Variants in AGRN observed in about 807,000 individuals in gnomAD.
AGRN encodes agrin proteoglycan.
AGRN carries 106 observed loss-of-function variants against 211.0 expected under a neutral mutation model. That is an observed-to-expected ratio of 0.50 (90% CI 0.43 to 0.59). The LOEUF is 0.59. Ranked by LOEUF, AGRN falls within the 20% of genes least tolerant of loss-of-function variation. AGRN has a pLI of 0.00. For missense variants in AGRN, 3,040 were observed against 2,982.6 expected, an observed-to-expected ratio of 1.02 and a Z score of -0.45; for synonymous variants, 1,525 against 1,332.5, an observed-to-expected ratio of 1.14 and a Z score of -3.15.
chr1:1,045,864 G>A lies in AGRN; in HGVS notation c.2668G>A (p.Gly890Ser), dbSNP rs202061838. The A allele has an allele frequency of 3.7e-6, 6 of 1,611,026 alleles. No individual in the cohort carries two copies. In the East Asian group the frequency reaches 1.3e-4, roughly 36 times the overall value. ...CPDGRALGPA[G>S]CEADASAPAT... is the part of the protein sequence containing the mutation. Reference sequence around the variant, plus strand: ...AGACGGCCGTGCCCTGGGCCCCGCGGGCTGTGAAGCTGGTGAGTGAGGGCC... The same window carrying A: ...AGACGGCCGTGCCCTGGGCCCCGCGAGCTGTGAAGCTGGTGAGTGAGGGCC... The change falls in exon 15 of 36, where the codon GGC (glycine) becomes AGC (serine). Residue 890 changes from glycine (G) to serine (S), a missense_variant. Transcript: ENST00000379370.
intron 2 of AGRN, among the ~76,000 whole-genome samples, chr1:1,030,570 T>TGGTGCTGTGAGATCAGC (rs1644643914): frequency 1.4e-5 from 1 of 72,160 alleles, no homozygotes; most frequent in Non-Finnish European, 2.8e-5. Context: ...GAGATCAGCA[T>TGGTGCTGTGAGATCAGC]GTGTGTGTGC....
At position 1,046,915 on chromosome 1, in the gene AGRN, G is replaced by A. The variant is rs1156247935; in HGVS notation, c.3346G>A (p.Gly1116Arg). ...CTCCGCGTTGGGCTGCTGCTCTGAT[G>A]GGAAGACGCCCTCGCTGGACGCAGA... is the stretch of plus-strand genomic sequence containing the variant. ...YNSALGCCSD[G>R]KTPSLDAEGS... The change falls in exon 19 of 36, where the codon GGG becomes AGG. Residue 1116 changes from glycine to arginine, a missense_variant. Gly to Arg is a moderately radical substitution (Grantham distance 125, BLOSUM62 -2). This residue lies in a region of AGRN where 1,537 missense variants were observed against 1,505.0 expected (regional missense o/e 1.02). Coordinates refer to ENST00000379370, the MANE Select transcript of AGRN (RefSeq NM_198576.4). 1 of 1,580,976 alleles carries A rather than the reference G, an allele frequency of 6.3e-7. No homozygotes were observed. The highest frequency in any genetic ancestry group is 8.6e-7 in the Non-Finnish European group (1 of 1,164,442).
chr1:1,021,810 C>G (rs1054943643), intron 1 of AGRN, among the ~76,000 whole-genome samples: 2 of 152,244 alleles, frequency 1.3e-5, no homozygotes, highest in African/African-American at 4.8e-5. Context: ...TCCCCCTCCT[C>G]CACTGCCCAA....
chr1:1,041,470 A>AC lies in AGRN; in HGVS notation c.953-3dup. On this transcript the variant is annotated splice_polypyrimidine_tract_variant and splice_region_variant and intron_variant, in intron 5 of 35. Transcript: ENST00000379370. ...GACAGCGTCCTGACTCCTGCCCTCG[A>AC]CCCCCAGACCCCTGTCAGGGCGCCC... 1 of 1,586,234 alleles carries AC rather than the reference A, an allele frequency of 6.3e-7. No homozygotes were observed. Among genetic ancestry groups the AC allele is most frequent in the Non-Finnish European group, 8.5e-7 (1 of 1,173,874 alleles).
Position 1,051,360 on chromosome 1 carries a change from C to T in AGRN, c.5361C>T (p.Ala1787=), listed in dbSNP as rs999270638. Residue 1787 remains alanine (A), a synonymous_variant, in exon 31 of 36, where the codon GCC becomes GCT. Coordinates refer to ENST00000379370, the MANE Select transcript of AGRN (RefSeq NM_198576.4). ...AAAVSSGFDG[A]IQLVSLGGRQ... ...CCGTGTCCTCTGGCTTCGACGGTGC[C>T]ATCCAGCTGGTATGTGGGGGCGGGG... 9 of 1,560,732 alleles carry T rather than the reference C, an allele frequency of 5.8e-6. No individual in the cohort carries two copies. In the East Asian group the frequency reaches 2.1e-4, roughly 37 times the overall value.
chr1:1,033,408 C>T (rs1644717684), intron 2 of AGRN, among the ~76,000 whole-genome samples: 1 of 151,690 alleles, frequency 6.6e-6, no homozygotes, highest in Non-Finnish European at 1.5e-5. Context: ...CCCCCGAGCC[C>T]CCTGCGGCGA....
chr1:1,022,590 T>TAGTCAGACCACA, intron 2 of AGRN, 128 bp downstream of exon 2: 2 of 743,214 alleles, frequency 2.7e-6, no homozygotes, highest in Non-Finnish European at 4.3e-6. Context: ...CGGTGTCTTG[T>TAGTCAGACCACA]GGTCCAACCT....
chr1:1,054,050 G>A, intron 34 of AGRN, 73 bp downstream of exon 34: 1 of 1,488,790 alleles, frequency 6.7e-7, no homozygotes, highest in Non-Finnish European at 9.1e-7. Context: ...GCTGTGTCCA[G>A]TCACTTGTGA....
rs2100666417 is a variant in AGRN, at chr1:1,047,879, G to A, written c.3735G>A (p.Val1245=). The change falls in exon 22 of 36, where the codon GTG becomes GTA. Residue 1245 remains valine (V), a synonymous_variant. Coordinates refer to ENST00000379370, the MANE Select transcript of AGRN (RefSeq NM_198576.4). ...LGVRRPLQEH[V]RFMDFDWFPA... ...TGAGGCGGCCGCTGCAGGAGCACGT[G>A]CGATTTATGGACTTTGGTGAGCGCC... The A allele has an allele frequency of 6.2e-7, 1 of 1,605,708 alleles. No individual in the cohort carries two copies.
Position 1,035,740 on chromosome 1 carries a change from G to A in AGRN, c.511+416G>A, listed in dbSNP as rs138713971. ...GAAGTGGACAGGAGCTTGCAGGGAAGGCTGAGCTGGGGGAGGGCCCTGACC... is the reference window on the plus strand; with the variant it reads ...GAAGTGGACAGGAGCTTGCAGGGAAAGCTGAGCTGGGGGAGGGCCCTGACC... On this transcript the variant is annotated intron_variant, in intron 3 of 35. Coordinates refer to ENST00000379370, the MANE Select transcript of AGRN (RefSeq NM_198576.4). Among the ~76,000 whole-genome samples the A allele has an allele frequency of 7.8e-3, 1,182 of 152,276 alleles. 26 individuals are homozygous for A. Among genetic ancestry groups the A allele is most frequent in the South Asian group, 0.056 (270 of 4,818 alleles).
rs757490572 is a variant in AGRN, at chr1:1,042,090, A to G, written c.1312A>G (p.Ser438Gly). ...TGCCCAGGACGGGCGCACGTATGAC[A>G]GTGATTGCTGGCGGCAGCAGGCTGA... ...VCAQDGRTYD[S>G]DCWRQQAECR... The change falls in exon 7 of 36, where the codon AGT becomes GGT. Residue 438 changes from serine (S) to glycine (G), a missense_variant. Physicochemically the swap from Ser to Gly is moderately conservative, Grantham distance 56. Around this residue, in one of 3 missense-constraint regions of AGRN, gnomAD observed 1,498 missense variants for 1,457.8 expected, o/e 1.03. Coordinates refer to ENST00000379370, the MANE Select transcript of AGRN (RefSeq NM_198576.4). 1.9e-6 allele frequency: 3 copies of G among 1,604,616 alleles called. No individual in the cohort carries two copies. The highest frequency in any genetic ancestry group is 2.5e-6 in the Non-Finnish European group (3 of 1,178,876).
Position 1,044,326 on chromosome 1 carries a change from C to T in AGRN, c.2149-8C>T, listed in dbSNP as rs771326309. 24 of 1,612,688 alleles carry T rather than the reference C, an allele frequency of 1.5e-5. No individual in the cohort carries two copies. The highest frequency in any genetic ancestry group is 1.9e-5 in the Non-Finnish European group (22 of 1,179,832). Reference sequence around the variant, plus strand: ...GCTGCGGCCGCTCACACTGACACCACCCTCCAGGTGTGCGGCTCAGATGGG... The same window carrying T: ...GCTGCGGCCGCTCACACTGACACCATCCTCCAGGTGTGCGGCTCAGATGGG... On this transcript the variant is annotated splice_polypyrimidine_tract_variant and splice_region_variant and intron_variant, in intron 11 of 35. Coordinates refer to ENST00000379370, the MANE Select transcript of AGRN (RefSeq NM_198576.4).
rs1570124899 is a variant in AGRN, at chr1:1,020,383, C to T, written c.201+10C>T. The T allele has an allele frequency of 2.7e-6, 4 of 1,492,600 alleles. No homozygotes were observed. The highest frequency in any genetic ancestry group is 3.6e-6 in the Non-Finnish European group (4 of 1,119,878). 92.5% of individuals were successfully genotyped at this position (1,492,600 alleles called of 1,614,324 possible). A position where few individuals can be genotyped will look rare whatever the true frequency, so the allele number is the denominator to read the frequency against. On this transcript the variant is annotated intron_variant, in intron 1 of 35. Transcript: ENST00000379370. ...CACGTACTCCTGCAAGGTGCGCCCA[C>T]CCGGACCCCGGCCTCCCCTCGCGAC...
chr1:1,055,330 G>A lies in AGRN; in HGVS notation c.*349G>A. On this transcript the variant is annotated 3_prime_UTR_variant, in exon 36 of 36. Coordinates refer to ENST00000379370, the MANE Select transcript of AGRN (RefSeq NM_198576.4). ...GCGGGACTCGTGTCCCAGAGAGGAA[G>A]GGGCTGCTGAGGTCTGATGGGGCCC... 1 of 385,934 alleles carries A rather than the reference G, an allele frequency of 2.6e-6. No homozygotes were observed. Among genetic ancestry groups the A allele is most frequent in the Non-Finnish European group, 5.0e-6 (1 of 199,780 alleles). The allele number at this position is 385,934 out of a possible 1,614,324, so 23.9% of individuals were successfully genotyped here.
rs750165361 is a variant in AGRN, at chr1:1,041,605, C to T, written c.1080C>T (p.Asp360=). 3 of 1,611,090 alleles carry T rather than the reference C, an allele frequency of 1.9e-6. No homozygotes were observed. The South Asian group carries it at 3.3e-5, about 18-fold the overall frequency. ...PARQAPVCGD[D]GVTYENDCVM... is the part of the protein sequence containing the mutation. ...GGCAGGCGCCAGTGTGTGGGGACGACGGAGTCACCTACGAAAACGACTGTG... is the reference window on the plus strand; with the variant it reads ...GGCAGGCGCCAGTGTGTGGGGACGATGGAGTCACCTACGAAAACGACTGTG... The change falls in exon 6 of 36, where the codon GAC becomes GAT. Residue 360 remains aspartate, a synonymous_variant. Transcript: ENST00000379370.
chr1:1,049,905 C>A lies in AGRN; in HGVS notation c.4747C>A (p.Pro1583Thr), dbSNP rs772899032. ...CGGTCCCGTCTTCCTCCATCCAGGACCAACCTGTGCCGATGAGAAGAGCCC... is the reference window on the plus strand; with the variant it reads ...CGGTCCCGTCTTCCTCCATCCAGGAACAACCTGTGCCGATGAGAAGAGCCC... ...HCQCPPGRVGPTCADEKSPCQ... is the reference protein window; with the variant it reads ...HCQCPPGRVGTTCADEKSPCQ... Residue 1583 changes from proline to threonine, a missense_variant and splice_region_variant, in exon 27 of 36, where the codon CCA (proline) becomes ACA (threonine). Coordinates refer to ENST00000379370, the MANE Select transcript of AGRN (RefSeq NM_198576.4). 2 of 1,610,914 alleles carry A rather than the reference C, an allele frequency of 1.2e-6. No individual in the cohort carries two copies. Among genetic ancestry groups the A allele is most frequent in the Non-Finnish European group, 1.7e-6 (2 of 1,179,314 alleles).
chr1:1,054,140 G>A (rs1645388338), intron 34 of AGRN, among the ~76,000 whole-genome samples, 163 bp downstream of exon 34: 1 of 152,260 alleles, frequency 6.6e-6, no homozygotes, highest in African/African-American at 2.4e-5. Flanking sequence ...AGAAGATGCA[G>A]GAGAAGCAAT....
At chr1:1,034,963 G>T in intron 2 of AGRN, 1 of 493,304 alleles carries the variant, frequency 2.0e-6, no homozygotes, top group Non-Finnish European at 3.7e-6. Context: ...GCCGGCAGTT[G>T]GGGGTAGGGC....
Position 1,049,501 on chromosome 1 carries a change from C to G in AGRN, c.4514+50C>G, listed in dbSNP as rs111525350. 1.7e-3 allele frequency: 2,739 copies of G among 1,597,826 alleles called. 37 individuals carry two copies. In the African/African-American group the frequency reaches 0.032, roughly 19 times the overall value. Reference sequence around the variant, plus strand: ...GCCCCGACCCCGGCCCTTTGGGGTCCCGGTGTACGAGGTGGCTTTGCCTGT... The same window carrying G: ...GCCCCGACCCCGGCCCTTTGGGGTCGCGGTGTACGAGGTGGCTTTGCCTGT... On this transcript the variant is annotated intron_variant, in intron 25 of 35. Coordinates refer to ENST00000379370, the MANE Select transcript of AGRN (RefSeq NM_198576.4).
Sources: allele counts gnomAD v4.1 joint callset (sites outside exome capture counted in the v4.1 genomes callset), GRCh38; gene constraint gnomAD v4.1.1; regional missense constraint gnomAD v4.1.1; transcripts MANE v1.5; gene names NCBI Gene and HGNC (gene_info 2026-07-23, HGNC 2026-07-21).